Variants in MYLK3 observed in about 807,000 individuals in gnomAD.
The protein encoded by MYLK3 is myosin light chain kinase 3.
Under a neutral mutation model 76.3 loss-of-function variants are expected in MYLK3, and 55 were observed. The observed-to-expected ratio is 0.72, with a 90% CI of 0.58 to 0.90. The LOEUF is 0.90. Among genes scored for constraint, MYLK3 ranks in the 40% least tolerant of loss-of-function variants. The probability of loss-of-function intolerance (pLI) is 0.00; values close to 1 mark genes in which losing one functional copy is unlikely to be tolerated. For synonymous variants in MYLK3, 416 were observed against 425.4 expected (o/e 0.98, Z 0.27); for missense variants, 973 against 1,053.6 (o/e 0.92, Z 1.06).
At chr16:46,722,343 C>G (rs906459590) in intron 8 of MYLK3, among the ~76,000 whole-genome samples, 1 of 152,156 alleles carries the variant, frequency 6.6e-6, no homozygotes, top group Admixed American at 6.6e-5. Flanking sequence ...GAGTAATAAC[C>G]TCTTCCTGTC....
chr16:46,734,434 A>C (rs1187279310), intron 3 of MYLK3, among the ~76,000 whole-genome samples: 2 of 152,116 alleles, frequency 1.3e-5, no homozygotes, highest in Admixed American at 1.3e-4. Context: ...GCCAACATGG[A>C]GAAAGTCCAT....
At chr16:46,748,462 G>T (rs1369633255), upstream of MYLK3, among the ~76,000 whole-genome samples, 1 of 152,180 alleles carries the variant, frequency 6.6e-6, no homozygotes, top group Admixed American at 6.5e-5. The surrounding 1 kb of genome is among the most constrained non-coding windows in gnomAD (Gnocchi z 4.3). Context: ...GGGCCCCTTT[G>T]ACATCACGGC....
At chr16:46,727,009 T>C (rs1358872515) in intron 8 of MYLK3, 4 of 407,394 alleles carry the variant, frequency 9.8e-6, no homozygotes, top group Non-Finnish European at 1.7e-5. Flanking sequence ...AAGCTCATTG[T>C]TTCACTTAAT....
At chr16:46,762,366 A>G (rs977348900) in intron 1 of MYLK3, among the ~76,000 whole-genome samples, 2 of 152,122 alleles carry the variant, frequency 1.3e-5, no homozygotes, top group African/African-American at 4.8e-5. Context: ...TTACTCAACA[A>G]TTTTTTTCTA....
intron 1 of MYLK3, 51 bp downstream of exon 1, chr16:46,747,641 AACACTGGCTGCCTGGCCAGTCTCCC>A: frequency 7.0e-7 from 1 of 1,437,320 alleles, no homozygotes; most frequent in Non-Finnish European, 9.6e-7. Context: ...CAGCTCTCCA[AACACTGGCTGCCTGGCCAGTCTCCC>A]ACCAGGGCCG....
rs561149687 is a variant in MYLK3 at position 46,736,312 on chromosome 16, G to T, written c.1001+1399C>A. 2.1e-3 allele frequency among the ~76,000 whole-genome samples: 320 copies of T among 152,302 alleles called. 2 individuals are homozygous for T. The Middle Eastern group carries it at 0.058, about 28-fold the overall frequency. The stretch of plus-strand genomic sequence containing the variant: ...AAGGCATGAGCCACAGTGCCCGGCA[G>T]GATCCTCTGCACAGGCAGCCATGGC... On this transcript the variant is annotated intron_variant, in intron 3 of 12. Transcript: ENST00000394809.
At chr16:46,760,110 C>G (rs1239270727) in intron 1 of MYLK3, among the ~76,000 whole-genome samples, 3 of 152,260 alleles carry the variant, frequency 2.0e-5, no homozygotes, top group Non-Finnish European at 4.4e-5. Context: ...AGCACCAGTG[C>G]TCGTGATCTC....
intron 8 of MYLK3, among the ~76,000 whole-genome samples, chr16:46,723,797 G>A (rs1966823034): frequency 6.6e-6 from 1 of 152,042 alleles, no homozygotes; most frequent in East Asian, 1.9e-4. Flanking sequence ...TTACAGGCAT[G>A]TGCCACGACA....
At chr16:46,751,008 T>A (rs1158018202), upstream of MYLK3, among the ~76,000 whole-genome samples, 1 of 150,436 alleles carries the variant, frequency 6.6e-6, no homozygotes, top group East Asian at 2.0e-4. Flanking sequence ...ATAATAAAAA[T>A]AATAATAAAT....
intron 1 of MYLK3, among the ~76,000 whole-genome samples, chr16:46,760,066 C>T (rs976984739): frequency 2.6e-5 from 4 of 152,334 alleles, no homozygotes; most frequent in African/African-American, 2.4e-5. Flanking sequence ...CAGGACAACC[C>T]GCCTCATGCA....
At chr16:46,746,980 G>A (rs920464081) in intron 1 of MYLK3, among the ~76,000 whole-genome samples, 5 of 152,178 alleles carry the variant, frequency 3.3e-5, no homozygotes, top group Non-Finnish European at 4.4e-5. Flanking sequence ...CTTGCCAGAG[G>A]CTGGTGAGTC....
In MYLK3 at chr16:46,727,393, G is replaced by C; in HGVS notation, c.1773-16C>G. On this transcript the variant is annotated splice_polypyrimidine_tract_variant and intron_variant, in intron 7 of 12. Transcript: ENST00000394809. ...CCCGTCCACGCTGCCAGAGCAAAGG[G>C]AGAGGCAGGCACCAGCCTAAGCAAG... 6.3e-7 allele frequency: 1 copy of C among 1,598,070 alleles called. No individual in the cohort carries two copies. Among genetic ancestry groups the C allele is most frequent in the Non-Finnish European group, 8.6e-7 (1 of 1,167,798 alleles).
At chr16:46,736,194 G>A (rs542872699) in intron 3 of MYLK3, among the ~76,000 whole-genome samples, 1 of 152,100 alleles carries the variant, frequency 6.6e-6, no homozygotes, top group Non-Finnish European at 1.5e-5. Context: ...GCTAATTTTT[G>A]TAGAGATAGG....
rs565504027 is a variant in MYLK3, at chr16:46,708,285, A to G, written c.2401-522T>C. On this transcript the variant is annotated intron_variant, in intron 12 of 12. Coordinates refer to ENST00000394809, the MANE Select transcript of MYLK3 (RefSeq NM_182493.3). Reference sequence around the variant, plus strand: ...CAGTGTCTTATTTTTATTTTTCATCAGCCTACATCATGCTTTGATAGAACA... The same window carrying G: ...CAGTGTCTTATTTTTATTTTTCATCGGCCTACATCATGCTTTGATAGAACA... Among the ~76,000 whole-genome samples the G allele has an allele frequency of 1.1e-3, 168 of 152,314 alleles. No homozygotes were observed. In the Middle Eastern group the frequency reaches 0.037, roughly 34 times the overall value.
At chr16:46,762,509 A>G (rs2143019068) in intron 1 of MYLK3, among the ~76,000 whole-genome samples, 1 of 152,314 alleles carries the variant, frequency 6.6e-6, no homozygotes, top group Middle Eastern at 3.4e-3. Context: ...AACATTTACA[A>G]ACGTTATTGG....
intron 4 of MYLK3, among the ~76,000 whole-genome samples, chr16:46,731,377 A>T (rs1966852246): frequency 6.6e-6 from 1 of 152,242 alleles, no homozygotes; most frequent in African/African-American, 2.4e-5. Context: ...TTCAGAGGTG[A>T]TATGAATACC....
At chr16:46,726,713 G>GAAAGAAAGAAAC in intron 8 of MYLK3, 1 of 132,156 alleles carries the variant, frequency 7.6e-6, no homozygotes, top group African/African-American at 2.8e-5. Flanking sequence ...AAGAAAGAAA[G>GAAAGAAAGAAAC]AAAGAAAGAA....
At chr16:46,733,967 G>A (rs959728628) in intron 3 of MYLK3, among the ~76,000 whole-genome samples, 1 of 152,138 alleles carries the variant, frequency 6.6e-6, no homozygotes, top group Admixed American at 6.6e-5. Context: ...GGTTCAAAAG[G>A]GCTAAAATGG....
intron 3 of MYLK3, 107 bp downstream of exon 3, chr16:46,737,604 A>G: frequency 8.7e-7 from 1 of 1,143,410 alleles, no homozygotes. Flanking sequence ...TCCCCTCGCA[A>G]GAACAGCCCA....
Sources: gnomAD v4.1 joint callset for allele counts (sites outside exome capture counted in the v4.1 genomes callset) on GRCh38, gnomAD v4.1.1 for gene constraint, Gnocchi (gnomAD v3.1) non-coding constraint, MANE v1.5 for transcripts, NCBI Gene and HGNC (gene_info 2026-07-23, HGNC 2026-07-21) for gene names.